C12orf42: variants seen among roughly 807,000 people sequenced by gnomAD.
The protein encoded by C12orf42 is uncharacterized protein C12orf42.
A neutral mutation model predicts 21.6 loss-of-function variants in C12orf42; 25 were observed. The observed-to-expected ratio is 1.16, with a 90% CI of 0.84 to 1.62. The LOEUF is 1.62. Among genes scored for constraint, C12orf42 ranks in the 40% most tolerant of loss-of-function variants. C12orf42 has a pLI of 0.00. For missense variants in C12orf42, 483 were observed against 459.3 expected (o/e 1.05, Z -0.47); for synonymous variants, 174 against 175.0 (o/e 0.99, Z 0.05).
At chr12:103,159,059 T>C in the C12orf42 span, among the ~76,000 whole-genome samples, 2 of 152,220 alleles carry the variant, frequency 1.3e-5, no homozygotes, top group Admixed American at 1.3e-4. Flanking sequence ...TTGACTATCA[T>C]GTGGAACTCT....
At chr12:103,063,173 G>A in the C12orf42 span, among the ~76,000 whole-genome samples, 5 of 152,114 alleles carry the variant, frequency 3.3e-5, no homozygotes, top group African/African-American at 7.2e-5. Flanking sequence ...ACAAAGTGAC[G>A]AAAGAAAATG....
rs1304839411 is a variant in C12orf42, at chr12:103,401,610, T to G, written c.144A>C (p.Ala48=). 1 of 1,613,878 alleles carries G rather than the reference T, an allele frequency of 6.2e-7. No individual in the cohort carries two copies. The highest frequency in any genetic ancestry group is 1.7e-5 in the Admixed American group (1 of 60,024). The change falls in exon 3 of 6, where the codon GCA becomes GCC. Residue 48 remains alanine (A), a synonymous_variant. Transcript: ENST00000548883. The stretch of plus-strand genomic sequence containing the variant: ...ACATAACATTCCGCTGACTCACCTT[T>G]GCACTGGGTGTGCTTCTATCCCACA... ...ATLWDRSTPS[A]KHIPCYERTS...
chr12:103,302,457 T>C lies in C12orf42; in HGVS notation c.734A>G (p.Glu245Gly). The change falls in exon 6 of 6, where the codon GAG becomes GGG. Residue 245 changes from glutamate to glycine, a missense_variant. Coordinates refer to ENST00000548883, the MANE Select transcript of C12orf42 (RefSeq NM_198521.5). Reference protein sequence around the residue: ...TGPSNTELEPEERMAVPAGAQ... With the variant: ...TGPSNTELEPGERMAVPAGAQ... ...GCCTGCTGGGACTGCCATCCTCTCC[T>C]CCGGCTCGAGCTCTGTGTTACTCGG... The C allele has an allele frequency of 6.2e-7, 1 of 1,613,660 alleles. No individual in the cohort carries two copies. The highest frequency in any genetic ancestry group is 8.5e-7 in the Non-Finnish European group (1 of 1,179,810).
the C12orf42 span, among the ~76,000 whole-genome samples, chr12:103,166,176 G>A: frequency 6.6e-6 from 1 of 152,148 alleles, no homozygotes; most frequent in African/African-American, 2.4e-5. Context: ...CTCCCAGCAA[G>A]GACTCTGAGA....
chr12:103,141,608 C>A, the C12orf42 span, among the ~76,000 whole-genome samples: 1 of 150,196 alleles, frequency 6.7e-6, no homozygotes, highest in Non-Finnish European at 1.5e-5. Flanking sequence ...CGGCTCACTG[C>A]AACCTCTGCC....
At chr12:103,201,058 A>G in the C12orf42 span, among the ~76,000 whole-genome samples, 1 of 152,204 alleles carries the variant, frequency 6.6e-6, no homozygotes, top group Non-Finnish European at 1.5e-5. Context: ...GCGAGAGGTC[A>G]GGTGAATACG....
intron 4 of C12orf42, among the ~76,000 whole-genome samples, chr12:103,332,098 G>T (rs2041287406): frequency 6.6e-6 from 1 of 152,146 alleles, no homozygotes; most frequent in African/African-American, 2.4e-5. Flanking sequence ...AAGAAAAGAG[G>T]TGTAGAAAGA....
the C12orf42 span, among the ~76,000 whole-genome samples, chr12:103,517,629 T>C: frequency 6.6e-6 from 1 of 152,192 alleles, no homozygotes; most frequent in African/African-American, 2.4e-5. Context: ...ACCACAGTGG[T>C]ACAAGAGAGG....
chr12:103,129,952 C>T, the C12orf42 span, among the ~76,000 whole-genome samples: 13 of 151,750 alleles, frequency 8.6e-5, no homozygotes, highest in South Asian at 2.3e-3. Flanking sequence ...AGAACCCATG[C>T]AAATTTCCAG....
At chr12:103,224,122 T>C in the C12orf42 span, among the ~76,000 whole-genome samples, 2 of 152,168 alleles carry the variant, frequency 1.3e-5, no homozygotes, top group Non-Finnish European at 2.9e-5. Flanking sequence ...GGCCTCTACC[T>C]ATCCAGTGAA....
the C12orf42 span, among the ~76,000 whole-genome samples, chr12:103,062,630 A>G: frequency 6.6e-6 from 1 of 152,162 alleles, no homozygotes; most frequent in Non-Finnish European, 1.5e-5. Context: ...GCACCAACCT[A>G]ATATAACGTG....
chr12:103,413,632 C>A (rs1023891713), intron 2 of C12orf42, among the ~76,000 whole-genome samples: 3 of 152,094 alleles, frequency 2.0e-5, no homozygotes, highest in African/African-American at 7.2e-5. Flanking sequence ...CCTCACCCAT[C>A]TCCCACCCTT....
chr12:103,483,410 G>A (rs1359787633), intron 1 of C12orf42, among the ~76,000 whole-genome samples: 2 of 152,130 alleles, frequency 1.3e-5, no homozygotes, highest in East Asian at 3.9e-4. Context: ...TCGAAGGCCT[G>A]TGTTTAACTC....
At chr12:103,296,118 G>GT (rs886405953) in intron 4 of C12orf42, among the ~76,000 whole-genome samples, 1 of 150,296 alleles carries the variant, frequency 6.7e-6, no homozygotes, top group African/African-American at 2.5e-5. Flanking sequence ...GCGGTGTTTG[G>GT]TTTTTTGTCC....
At chr12:103,410,659 T>C (rs1469107970) in intron 2 of C12orf42, among the ~76,000 whole-genome samples, 1 of 152,192 alleles carries the variant, frequency 6.6e-6, no homozygotes, top group East Asian at 1.9e-4. Flanking sequence ...CATTTGGAAC[T>C]GCAACTTTAT....
rs60532471 is a variant in C12orf42, at chr12:103,270,526, A to AT, written n.399-674dup. The stretch of plus-strand genomic sequence containing the variant: ...CCCAAAGATATTTATTTTTATTTTT[A>AT]TTTTTATTTTTTTAAGATTTGATCA... On this transcript the variant is annotated intron_variant and non_coding_transcript_variant, in intron 5 of 6. Coordinates refer to the C12orf42 transcript ENST00000546526. Among the ~76,000 whole-genome samples the AT allele has an allele frequency of 8.0e-3, 1,199 of 150,394 alleles. 20 individuals are homozygous for AT. The highest frequency in any genetic ancestry group is 0.028 in the African/African-American group (1,131 of 41,108).
intron 4 of C12orf42, among the ~76,000 whole-genome samples, chr12:103,320,270 C>T (rs1170021441): frequency 6.6e-6 from 1 of 152,148 alleles, no homozygotes; most frequent in Non-Finnish European, 1.5e-5. Flanking sequence ...AATAATCAGG[C>T]AACCCAATAG....
chr12:103,312,012 C>A (rs756746243), intron 4 of C12orf42, among the ~76,000 whole-genome samples: 1 of 152,174 alleles, frequency 6.6e-6, no homozygotes, highest in Admixed American at 6.5e-5. Context: ...ATCTTTCTAT[C>A]GATGGTCCTC....
the C12orf42 span, among the ~76,000 whole-genome samples, chr12:103,127,323 T>C: frequency 2.6e-5 from 4 of 152,210 alleles, no homozygotes; most frequent in African/African-American, 9.6e-5. Context: ...AAATGCAGTG[T>C]TCTCTAATAC....
Sources: allele counts gnomAD v4.1 joint callset (sites outside exome capture counted in the v4.1 genomes callset), GRCh38; gene constraint gnomAD v4.1.1; transcripts MANE v1.5; gene names NCBI Gene and HGNC (gene_info 2026-07-23, HGNC 2026-07-21).